VAT1L: variants seen among roughly 807,000 people sequenced by gnomAD.
The protein encoded by VAT1L is vesicle amine transport 1 like.
VAT1L carries 34 observed loss-of-function variants against 44.1 expected under a neutral mutation model. The ratio of observed to expected loss-of-function variants is 0.77; its 90% CI spans 0.59 to 1.03. The LOEUF is 1.03. VAT1L is among the 50% of genes least tolerant of loss of function. The pLI is 0.00. For synonymous variants in VAT1L, 253 were observed against 202.2 expected (o/e 1.25, Z -2.13); for missense variants, 615 against 538.8 (o/e 1.14, Z -1.40).
At chr16:77,917,173 C>T (rs941184976) in intron 7 of VAT1L, among the ~76,000 whole-genome samples, 8 of 151,780 alleles carry the variant, frequency 5.3e-5, no homozygotes, top group Non-Finnish European at 1.0e-4. Flanking sequence ...TCTAGAGAGA[C>T]GATAAGAGGG....
intron 7 of VAT1L, among the ~76,000 whole-genome samples, chr16:77,921,742 G>T (rs765977220): frequency 6.6e-6 from 1 of 152,058 alleles, no homozygotes; most frequent in African/African-American, 2.4e-5. Context: ...AAGGAAACTT[G>T]TACACTTTTT....
chr16:77,816,794 AAGAC>A (rs2016363041), intron 1 of VAT1L, 123 bp from the exon 2 acceptor site: 5 of 1,257,406 alleles, frequency 4.0e-6, no homozygotes, highest in Non-Finnish European at 5.3e-6. Flanking sequence ...AGAAAAAAAA[AAGAC>A]AGGAAGGAGT....
chr16:77,792,783 T>C (rs1387056616), intron 1 of VAT1L, among the ~76,000 whole-genome samples: 3 of 152,194 alleles, frequency 2.0e-5, no homozygotes, highest in African/African-American at 7.2e-5. Context: ...GTTAAAAACA[T>C]GTTAACAAAC....
At chr16:77,939,467 C>T (rs2017850343) in intron 7 of VAT1L, among the ~76,000 whole-genome samples, 1 of 152,154 alleles carries the variant, frequency 6.6e-6, no homozygotes, top group South Asian at 2.1e-4. Flanking sequence ...CAAATCAGGG[C>T]TCCCTTTAGA....
intron 8 of VAT1L, among the ~76,000 whole-genome samples, chr16:77,973,256 C>T (rs375076368): frequency 6.6e-6 from 1 of 152,146 alleles, no homozygotes; most frequent in Admixed American, 6.6e-5. Flanking sequence ...GAATAGTATT[C>T]ATAAAGCATT....
At chr16:77,805,620 G>C (rs561957798) in intron 1 of VAT1L, among the ~76,000 whole-genome samples, 2 of 152,206 alleles carry the variant, frequency 1.3e-5, no homozygotes, top group Admixed American at 1.3e-4. Context: ...AGCTGGCAAA[G>C]GCTGCCACAA....
intron 7 of VAT1L, among the ~76,000 whole-genome samples, chr16:77,944,181 C>T (rs1194552110): frequency 6.6e-6 from 1 of 152,016 alleles, no homozygotes; most frequent in African/African-American, 2.4e-5. Context: ...CAGGATAGCC[C>T]CCTGCAACGA....
At chr16:77,973,263 C>G (rs1053002685) in intron 8 of VAT1L, among the ~76,000 whole-genome samples, 2 of 152,138 alleles carry the variant, frequency 1.3e-5, no homozygotes, top group African/African-American at 4.8e-5. Flanking sequence ...ATTCATAAAG[C>G]ATTGTCTGAT....
intron 7 of VAT1L, among the ~76,000 whole-genome samples, chr16:77,949,680 C>T (rs2018016572): frequency 1.3e-5 from 2 of 152,186 alleles, no homozygotes; most frequent in Admixed American, 1.3e-4. Context: ...GTGCCAGCTC[C>T]CCTGCACCTT....
intron 4 of VAT1L, among the ~76,000 whole-genome samples, chr16:77,870,194 C>T (rs11649054): frequency 3.9e-5 from 6 of 151,992 alleles, no homozygotes; most frequent in Admixed American, 2.0e-4. Context: ...AGAAGCCTAC[C>T]GTAGAGTAGG....
intron 1 of VAT1L, among the ~76,000 whole-genome samples, chr16:77,814,468 C>G (rs2016318257): frequency 6.6e-6 from 1 of 152,152 alleles, no homozygotes; most frequent in Admixed American, 6.6e-5. Flanking sequence ...AGCTGGCTCT[C>G]AGTTTACCAT....
chr16:77,957,512 G>A (rs973924665), intron 7 of VAT1L, among the ~76,000 whole-genome samples: 3 of 152,072 alleles, frequency 2.0e-5, no homozygotes, highest in African/African-American at 7.2e-5. Flanking sequence ...AGATCACAAG[G>A]TCAAGAGATC....
chr16:77,945,278 C>CTTT (rs56055464), intron 7 of VAT1L, among the ~76,000 whole-genome samples: 6 of 83,062 alleles, frequency 7.2e-5, no homozygotes, highest in Non-Finnish European at 8.7e-5. Flanking sequence ...GATTGCAGAA[C>CTTT]TTTTTTTTTT....
At chr16:77,930,557 C>G (rs766974635) in intron 7 of VAT1L, among the ~76,000 whole-genome samples, 1 of 152,196 alleles carries the variant, frequency 6.6e-6, no homozygotes, top group Non-Finnish European at 1.5e-5. Context: ...ACGTTCTTGA[C>G]AGGTTCCAGG....
chr16:77,941,655 G>A (rs898968528), intron 7 of VAT1L, among the ~76,000 whole-genome samples: 10 of 152,020 alleles, frequency 6.6e-5, no homozygotes, highest in African/African-American at 1.7e-4. Flanking sequence ...GCATGATCTT[G>A]GCTCGCTGCA....
chr16:77,812,646 A>T (rs571255774), intron 1 of VAT1L, among the ~76,000 whole-genome samples: 2 of 152,350 alleles, frequency 1.3e-5, no homozygotes, highest in South Asian at 2.1e-4. Flanking sequence ...ATGAAAGCAC[A>T]TGGTAAACCA....
chr16:77,976,296 C>G (rs902140467), intron 8 of VAT1L, among the ~76,000 whole-genome samples: 1 of 152,186 alleles, frequency 6.6e-6, no homozygotes, highest in Non-Finnish European at 1.5e-5. Flanking sequence ...GCCATGAAAG[C>G]TCATAATAGG....
At position 77,842,545 on chromosome 16, in the gene VAT1L, T is replaced by C. The variant is rs1243645052; in HGVS notation, c.579+17084T>C. 2.6e-5 allele frequency among the ~76,000 whole-genome samples: 4 copies of C among 152,138 alleles called. 1 individual carries two copies. Among genetic ancestry groups the C allele is most frequent in the Admixed American group, 2.0e-4 (3 of 15,286 alleles). On this transcript the variant is annotated intron_variant, in intron 3 of 8. Transcript: ENST00000302536. ...GTTAGCAGAGTTCTTAAATAGGAGT[T>C]TTCTAGGTAGCCAAGAAACATGGCA...
chr16:77,942,769 G>C (rs1049346812), intron 7 of VAT1L, among the ~76,000 whole-genome samples: 2 of 152,082 alleles, frequency 1.3e-5, no homozygotes, highest in Admixed American at 6.5e-5. Flanking sequence ...TTTTGAGACA[G>C]AGTCTCACTC....
Sources: allele counts gnomAD v4.1 joint callset (sites outside exome capture counted in the v4.1 genomes callset), GRCh38; gene constraint gnomAD v4.1.1; transcripts MANE v1.5; gene names NCBI Gene and HGNC (gene_info 2026-07-23, HGNC 2026-07-21).